Variants in FGF14 observed in about 807,000 individuals in gnomAD.
FGF14 encodes the protein fibroblast growth factor 14.
Under a neutral mutation model 25.5 loss-of-function variants are expected in FGF14, and 5 were observed. The ratio of observed to expected loss-of-function variants is 0.20; its 90% CI spans 0.10 to 0.41. The LOEUF (loss-of-function observed/expected upper bound fraction) is 0.41. Ranked by LOEUF, FGF14 falls within the 10% of genes least tolerant of loss-of-function variation. FGF14 has a pLI of 1.00. For synonymous variants in FGF14, 138 were observed against 118.3 expected (o/e 1.17, Z -1.08); for missense variants, 222 against 320.1 (o/e 0.69, Z 2.34).
At chr13:102,378,587 ATATATC>A (rs1159584074) in intron 1 of FGF14, among the ~76,000 whole-genome samples, 75 of 143,956 alleles carry the variant, frequency 5.2e-4, no homozygotes, top group African/African-American at 1.8e-3. Context: ...AGTATGTTAT[ATATATC>A]TATATCTATC....
At chr13:102,389,563 C>T (rs781233030) in intron 1 of FGF14, among the ~76,000 whole-genome samples, 2 of 152,130 alleles carry the variant, frequency 1.3e-5, no homozygotes, top group Non-Finnish European at 2.9e-5. Context: ...CATAACAAAC[C>T]ACCTTGTCAT....
chr13:102,148,026 ATCT>A (rs774232823), intron 1 of FGF14, among the ~76,000 whole-genome samples: 6 of 152,158 alleles, frequency 3.9e-5, no homozygotes, highest in African/African-American at 1.4e-4. Flanking sequence ...TTTTAGCAAA[ATCT>A]TTTTTTAATA....
intron 1 of FGF14, among the ~76,000 whole-genome samples, chr13:102,210,846 C>T (rs1171814386): frequency 1.3e-5 from 2 of 152,116 alleles, no homozygotes; most frequent in African/African-American, 2.4e-5. Flanking sequence ...CACCAAACTC[C>T]AGAAGGGCAA....
intron 1 of FGF14, among the ~76,000 whole-genome samples, chr13:101,958,908 T>A (rs906000548): frequency 6.6e-6 from 1 of 152,186 alleles, no homozygotes; most frequent in Admixed American, 6.5e-5. Flanking sequence ...TGCATTTCTA[T>A]CCTCAATGTA....
At chr13:102,321,203 T>C (rs1399417842) in intron 1 of FGF14, among the ~76,000 whole-genome samples, 4 of 152,174 alleles carry the variant, frequency 2.6e-5, no homozygotes, top group African/African-American at 9.7e-5. Context: ...CTCAATAAAA[T>C]GACTGAATTG....
chr13:101,948,325 G>T (rs1380132361), intron 1 of FGF14, among the ~76,000 whole-genome samples: 2 of 152,136 alleles, frequency 1.3e-5, no homozygotes, highest in South Asian at 2.1e-4. Context: ...TGTTGTTAAA[G>T]AATTCTATAG....
At chr13:101,934,171 G>A (rs1267622547) in intron 1 of FGF14, among the ~76,000 whole-genome samples, 1 of 152,184 alleles carries the variant, frequency 6.6e-6, no homozygotes, top group Non-Finnish European at 1.5e-5. Flanking sequence ...AAGATGCAGC[G>A]GCAGGTGAAG....
chr13:102,187,648 C>T (rs545248307), intron 1 of FGF14, among the ~76,000 whole-genome samples: 2 of 152,250 alleles, frequency 1.3e-5, no homozygotes, highest in South Asian at 2.1e-4. Flanking sequence ...TTCTTAAGTA[C>T]CACGCACATT....
intron 3 of FGF14, among the ~76,000 whole-genome samples, chr13:101,808,301 T>C (rs1400432575): frequency 6.6e-6 from 1 of 152,054 alleles, no homozygotes; most frequent in Non-Finnish European, 1.5e-5. Flanking sequence ...ATTCCTTCTG[T>C]TATCCTTTTC....
At chr13:101,735,616 T>C (rs1241819178) in intron 3 of FGF14, among the ~76,000 whole-genome samples, 1 of 151,636 alleles carries the variant, frequency 6.6e-6, no homozygotes, top group African/African-American at 2.4e-5. Flanking sequence ...TAAAGAAACA[T>C]TGAACAAAAT....
chr13:102,372,148 G>A (rs1341656810), intron 1 of FGF14, among the ~76,000 whole-genome samples: 2 of 152,106 alleles, frequency 1.3e-5, no homozygotes, highest in Non-Finnish European at 2.9e-5. Context: ...TTACTAAGAA[G>A]TATTTCTCTC....
intron 1 of FGF14, among the ~76,000 whole-genome samples, chr13:102,339,025 A>G (rs1265718560): frequency 6.8e-6 from 1 of 147,782 alleles, no homozygotes; most frequent in African/African-American, 2.5e-5. Context: ...AAAAAAAAAA[A>G]GAAAGAAAAG....
In FGF14 at chr13:102,000,160, CAA is replaced by C. The variant is rs910084810; in HGVS notation, c.209-124866_209-124865del. On this transcript the variant is annotated intron_variant, in intron 1 of 4. Transcript: ENST00000376131. ...AAAACCCCGTCTCTACTAAAAAATACAAAAAAAAATTAGCCGGGCCTGGTGGC... is the reference window on the plus strand; with the variant it reads ...AAAACCCCGTCTCTACTAAAAAATACAAAAAAATTAGCCGGGCCTGGTGGC... Among the ~76,000 whole-genome samples, 9 of 150,948 alleles carry C rather than the reference CAA, an allele frequency of 6.0e-5. No individual in the cohort carries two copies. In the East Asian group the frequency reaches 1.8e-3, roughly 30 times the overall value.
At chr13:101,761,317 A>G (rs2038012533) in intron 3 of FGF14, among the ~76,000 whole-genome samples, 1 of 152,190 alleles carries the variant, frequency 6.6e-6, no homozygotes, top group Non-Finnish European at 1.5e-5. Context: ...ACATAATGAC[A>G]CACATAGATA....
intron 1 of FGF14, among the ~76,000 whole-genome samples, chr13:102,171,744 A>G (rs2048252063): frequency 6.6e-6 from 1 of 152,116 alleles, no homozygotes; most frequent in Non-Finnish European, 1.5e-5. Flanking sequence ...GTCAGTCAGT[A>G]AAACATTTTT....
Position 101,849,559 on chromosome 13 carries a change from C to T in FGF14, c.408+19166G>A, listed in dbSNP as rs576167133. Among the ~76,000 whole-genome samples, 85 of 152,124 alleles carry T rather than the reference C, an allele frequency of 5.6e-4. 3 individuals are homozygous for T. The South Asian group carries it at 0.017, about 30-fold the overall frequency. ...AATCCATACTATCTTTCAATGAATA[C>T]GTTAATGATATTTACATAAAATGTA... is the stretch of plus-strand genomic sequence containing the variant. On this transcript the variant is annotated intron_variant, in intron 3 of 4. Coordinates refer to ENST00000376143, the MANE Select transcript of FGF14 (RefSeq NM_004115.4).
intron 1 of FGF14, among the ~76,000 whole-genome samples, chr13:102,215,325 A>T (rs971368230): frequency 6.6e-6 from 1 of 152,250 alleles, no homozygotes; most frequent in African/African-American, 2.4e-5. Context: ...AACATAACAC[A>T]TGTACTTGAA....
chr13:101,898,341 A>AACACAAACAC (rs2031022653), intron 1 of FGF14, among the ~76,000 whole-genome samples: 1 of 144,372 alleles, frequency 6.9e-6, no homozygotes, highest in African/African-American at 2.6e-5. Context: ...TGAAACATAC[A>AACACAAACAC]ACACACACAC....
intron 1 of FGF14, among the ~76,000 whole-genome samples, chr13:101,943,828 T>TATATATATATACACAC (rs2035619987): frequency 7.5e-6 from 1 of 133,930 alleles, no homozygotes; most frequent in African/African-American, 3.1e-5. Flanking sequence ...AAAAAAAAAA[T>TATATATATATACACAC]ATATATATAT....
Sources: allele counts gnomAD v4.1 joint callset (sites outside exome capture counted in the v4.1 genomes callset), GRCh38; gene constraint gnomAD v4.1.1; transcripts MANE v1.5; gene names NCBI Gene and HGNC (gene_info 2026-07-23, HGNC 2026-07-21).